Variants in SPRYD3 observed in about 807,000 individuals in gnomAD.
The protein encoded by SPRYD3 is SPRY domain-containing protein 3.
A neutral mutation model predicts 50.1 loss-of-function variants in SPRYD3; 17 were observed. The observed-to-expected ratio is 0.34, with a 90% confidence interval of 0.23 to 0.51. SPRYD3 has a LOEUF of 0.51. Ranked by LOEUF, SPRYD3 falls within the 20% of genes least tolerant of loss-of-function variation. The pLI is 0.97. For synonymous variants in SPRYD3, 198 were observed against 215.5 expected, an observed-to-expected ratio of 0.92 and a Z score of 0.71; for missense variants, 401 against 591.2, an observed-to-expected ratio of 0.68 and a Z score of 3.34.
At position 53,074,999 on chromosome 12, in the gene SPRYD3, A is replaced by C; in HGVS notation, c.371+96T>G. 1.3e-6 allele frequency: 2 copies of C among 1,534,010 alleles called. No individual in the cohort carries two copies. Among genetic ancestry groups the C allele is most frequent in the Non-Finnish European group, 1.8e-6 (2 of 1,115,982 alleles). ...CTGTCCTGACCAGAAAAGTCTATGAAACACCCAATGGGAAAAGCCAGCCCA... is the reference window on the plus strand; with the variant it reads ...CTGTCCTGACCAGAAAAGTCTATGACACACCCAATGGGAAAAGCCAGCCCA... On this transcript the variant is annotated intron_variant, in intron 4 of 10. Transcript: ENST00000301463. This position sits in a 1 kb window ranked among gnomAD's most constrained non-coding sequence, Gnocchi z 4.6.
chr12:53,076,620 C>T (rs1944590127), intron 2 of SPRYD3, among the ~76,000 whole-genome samples: 1 of 152,150 alleles, frequency 6.6e-6, no homozygotes, highest in South Asian at 2.1e-4. Context: ...AGCTGGATCC[C>T]CTCCTTGCTG....
In SPRYD3 at chr12:53,067,709, C is replaced by T; in HGVS notation, c.844-4G>A. On this transcript the variant is annotated splice_region_variant and splice_polypyrimidine_tract_variant and intron_variant, in intron 7 of 10. Transcript: ENST00000301463. ...GGTGCCTGTTCTTGGGATAGTCCTGCACCAAGAAGAGAAAAGAAAATCTAT... is the reference window on the plus strand; with the variant it reads ...GGTGCCTGTTCTTGGGATAGTCCTGTACCAAGAAGAGAAAAGAAAATCTAT... The T allele has an allele frequency of 6.2e-7, 1 of 1,613,550 alleles. No homozygotes were observed. Among genetic ancestry groups the T allele is most frequent in the Non-Finnish European group, 8.5e-7 (1 of 1,179,568 alleles).
chr12:53,079,018 A>C (rs2060324638), intron 1 of SPRYD3, among the ~76,000 whole-genome samples: 1 of 152,094 alleles, frequency 6.6e-6, no homozygotes, highest in South Asian at 2.1e-4. Context: ...CGCAGACCCC[A>C]CAGTCTTGGC....
chr12:53,078,055 A>C (rs11170398), intron 1 of SPRYD3: 2 of 446,796 alleles, frequency 4.5e-6, no homozygotes, highest in Non-Finnish European at 9.0e-6. Flanking sequence ...GTGTGGCAGC[A>C]TGCACCTGTA....
At position 53,075,828 on chromosome 12, in the gene SPRYD3, G is replaced by T; in HGVS notation, c.171-17C>A. 1 of 1,610,248 alleles carries T rather than the reference G, an allele frequency of 6.2e-7. No individual in the cohort carries two copies. The highest frequency in any genetic ancestry group is 8.5e-7 in the Non-Finnish European group (1 of 1,176,588). ...CCATGATAACTGAAGGAGGAATGAG[G>T]GGGGAATTCCATTAGCAGCCTAGCC... is the stretch of plus-strand genomic sequence containing the variant. On this transcript the variant is annotated splice_polypyrimidine_tract_variant and intron_variant, in intron 2 of 10. Transcript: ENST00000301463.
chr12:53,066,412 T>C lies in SPRYD3; in HGVS notation c.1096A>G (p.Met366Val). The C allele has an allele frequency of 1.2e-6, 2 of 1,614,124 alleles. No homozygotes were observed. Among genetic ancestry groups the C allele is most frequent in the South Asian group, 1.1e-5 (1 of 91,082 alleles). Residue 366 changes from methionine (M) to valine (V), a missense_variant, in exon 10 of 11, where the codon ATG becomes GTG. Physicochemically the swap from Met to Val is conservative, Grantham distance 21 (BLOSUM62 1). Coordinates refer to ENST00000301463, the MANE Select transcript of SPRYD3 (RefSeq NM_032840.3). ...TCTTCCCCTTCCTGGTGCAGGTACA[T>C]GACATTCCGCACGTTCCGGACGGCC... is the stretch of plus-strand genomic sequence containing the variant. ...ARAVRNVRNV[M>V]YLHQEGEEEE... is the part of the protein sequence containing the mutation.
chr12:53,072,539 G>T (rs1944557410), intron 6 of SPRYD3, among the ~76,000 whole-genome samples: 1 of 152,204 alleles, frequency 6.6e-6, no homozygotes, highest in Admixed American at 6.5e-5. Context: ...CCAGATCCCG[G>T]ACTTGGCGTC....
At chr12:53,067,603 C>T (rs1161962886) in intron 8 of SPRYD3, 45 bp downstream of exon 8, 3 of 1,589,222 alleles carry the variant, frequency 1.9e-6, no homozygotes, top group Non-Finnish European at 2.6e-6. Flanking sequence ...CCTATGCCTC[C>T]ACATCTCCCA....
At position 53,064,470 on chromosome 12, in the gene SPRYD3, T is replaced by C. The variant is rs563182931; in HGVS notation, c.*1362A>G. 2.0e-5 allele frequency: 3 copies of C among 152,738 alleles called. No individual in the cohort carries two copies. The highest frequency in any genetic ancestry group is 2.1e-4 in the South Asian group (1 of 4,836). 9.5% of individuals were successfully genotyped at this position (152,738 alleles called of 1,614,324 possible). ...GGCCTGTAGCCAGGCCCATGGAACA[T>C]ATGATTCCCATCCCTGGCCCAACAT... On this transcript the variant is annotated 3_prime_UTR_variant, in exon 11 of 11. Coordinates refer to ENST00000301463, the MANE Select transcript of SPRYD3 (RefSeq NM_032840.3).
At position 53,065,429 on chromosome 12, in the gene SPRYD3, G is replaced by T. The variant is rs889997172; in HGVS notation, c.*403C>A. The T allele has an allele frequency of 2.3e-5, 4 of 171,408 alleles. No individual in the cohort carries two copies. The highest frequency in any genetic ancestry group is 4.9e-5 in the Non-Finnish European group (4 of 80,888). The allele number at this position is 171,408 out of a possible 1,614,324, so 10.6% of individuals were successfully genotyped here. ...AATTCAAGGAGAAATACCATGGTGA[G>T]TAGGGGAGGGGGCTGTCTACTCTAC... is the stretch of plus-strand genomic sequence containing the variant. On this transcript the variant is annotated 3_prime_UTR_variant, in exon 11 of 11. Transcript: ENST00000301463.
chr12:53,071,446 C>T (rs1944549023), intron 6 of SPRYD3, among the ~76,000 whole-genome samples: 1 of 152,174 alleles, frequency 6.6e-6, no homozygotes, highest in African/African-American at 2.4e-5. Flanking sequence ...GGCAAGTGCC[C>T]CAGCAATTCC....
At chr12:53,075,311 G>T in intron 3 of SPRYD3, 92 bp from the exon 4 acceptor site, 1 of 1,361,044 alleles carries the variant, frequency 7.3e-7, no homozygotes, top group Non-Finnish European at 1.0e-6. Context: ...ATTAAAGGGC[G>T]CTGAGGCTCA....
At chr12:53,078,444 G>A (rs1193200366) in intron 1 of SPRYD3, among the ~76,000 whole-genome samples, 1 of 149,026 alleles carries the variant, frequency 6.7e-6, no homozygotes, top group African/African-American at 2.5e-5. Context: ...AGCCGAGATC[G>A]TCCCACTGCA....
At chr12:53,077,375 G>A in intron 1 of SPRYD3, 114 bp from the exon 2 acceptor site, 1 of 1,066,982 alleles carries the variant, frequency 9.4e-7, no homozygotes, top group Non-Finnish European at 1.4e-6. Context: ...TGCCCAGATT[G>A]ACCTCAACAA....
intron 6 of SPRYD3, 25 bp from the exon 7 acceptor site, chr12:53,068,329 GT>G: frequency 6.2e-7 from 1 of 1,612,420 alleles, no homozygotes; most frequent in Non-Finnish European, 8.5e-7. Flanking sequence ...CCAGATGGGG[GT>G]CAGGGGACAG....
intron 6 of SPRYD3, among the ~76,000 whole-genome samples, chr12:53,072,513 C>T (rs1450687943): frequency 6.6e-6 from 1 of 152,158 alleles, no homozygotes; most frequent in Non-Finnish European, 1.5e-5. Context: ...GCTGAGCAGC[C>T]CACTAGAGGT....
chr12:53,068,666 G>A (rs1184788109), intron 6 of SPRYD3, among the ~76,000 whole-genome samples: 2 of 152,158 alleles, frequency 1.3e-5, no homozygotes, highest in Non-Finnish European at 2.9e-5. Flanking sequence ...GTCCGCCCAG[G>A]GTCCCAAACA....
chr12:53,073,747 G>C (rs1365679085), intron 5 of SPRYD3, among the ~76,000 whole-genome samples: 1 of 151,922 alleles, frequency 6.6e-6, no homozygotes, highest in Admixed American at 6.6e-5. Context: ...GGGAGGCTGA[G>C]GCAGGAGAAT....
Position 53,064,741 on chromosome 12 carries a change from C to T in SPRYD3, c.*1091G>A, listed in dbSNP as rs1343473521. On this transcript the variant is annotated 3_prime_UTR_variant, in exon 11 of 11. Coordinates refer to ENST00000301463, the MANE Select transcript of SPRYD3 (RefSeq NM_032840.3). Reference sequence around the variant, plus strand: ...CACCCGCTTTCCCTACAGCCCTACCCGCTCTGTGCAAACCAAGGCCAACAG... The same window carrying T: ...CACCCGCTTTCCCTACAGCCCTACCTGCTCTGTGCAAACCAAGGCCAACAG... 6.5e-6 allele frequency: 1 copy of T among 152,796 alleles called. No homozygotes were observed. The highest frequency in any genetic ancestry group is 6.5e-5 in the Admixed American group (1 of 15,288). 9.5% of individuals were successfully genotyped at this position (152,796 alleles called of 1,614,324 possible).
Sources: gnomAD v4.1 joint callset for allele counts (sites outside exome capture counted in the v4.1 genomes callset) on GRCh38, gnomAD v4.1.1 for gene constraint, Gnocchi (gnomAD v3.1) non-coding constraint, MANE v1.5 for transcripts, NCBI Gene and HGNC (gene_info 2026-07-23, HGNC 2026-07-21) for gene names.